Variants in MAPK6 observed in about 807,000 individuals in gnomAD.
MAPK6 encodes the protein mitogen-activated protein kinase 6, also known as ERK-3.
MAPK6 carries 19 observed loss-of-function variants against 59.3 expected under a neutral mutation model. That is an observed-to-expected ratio of 0.32 (90% confidence interval 0.22 to 0.47). The LOEUF (loss-of-function observed/expected upper bound fraction) is 0.47, where lower values mean the gene tolerates loss of function less well. Ranked by LOEUF, MAPK6 falls within the 20% of genes least tolerant of loss-of-function variation. The pLI is 1.00. For synonymous variants in MAPK6, 316 were observed against 290.3 expected (o/e 1.09, Z -0.90); for missense variants, 724 against 847.9 (o/e 0.85, Z 1.81).
At chr15:52,053,275 C>A (rs551938032) in intron 3 of MAPK6, among the ~76,000 whole-genome samples, 5 of 152,056 alleles carry the variant, frequency 3.3e-5, no homozygotes, top group South Asian at 2.1e-4. Flanking sequence ...GGGGTTTCAC[C>A]ATGTTGGCCA....
In MAPK6 at chr15:52,058,734, A is replaced by AGAAAT; in HGVS notation, c.805_809dup (p.Asp270GlufsTer4). ...TCTCAGCGTAATTCCAGTTTACATT[A>AGAAAT]GAAATGACATGACTGAGCCACACAA... is the stretch of plus-strand genomic sequence containing the variant. On this transcript the variant is annotated frameshift_variant, in exon 4 of 6. Coordinates refer to ENST00000261845, the MANE Select transcript of MAPK6 (RefSeq NM_002748.4). LOFTEE classifies it high-confidence loss of function. 6.2e-7 allele frequency: 1 copy of AGAAAT among 1,613,698 alleles called. No homozygotes were observed. The highest frequency in any genetic ancestry group is 8.5e-7 in the Non-Finnish European group (1 of 1,179,752).
chr15:52,049,763 C>T (rs891872913), intron 2 of MAPK6, among the ~76,000 whole-genome samples: 73 of 151,894 alleles, frequency 4.8e-4, no homozygotes, highest in Admixed American at 2.4e-3. Context: ...TACAGGCATG[C>T]ACCACCACAC....
chr15:51,976,159 G>A (rs779181763), intron 1 of MAPK6, among the ~76,000 whole-genome samples: 6 of 150,974 alleles, frequency 4.0e-5, no homozygotes, highest in African/African-American at 9.7e-5. Context: ...CCAGCTACTC[G>A]GGAGGCTGAG....
chr15:52,049,288 G>A (rs2031701038), intron 2 of MAPK6, among the ~76,000 whole-genome samples: 2 of 151,438 alleles, frequency 1.3e-5, no homozygotes, highest in Admixed American at 1.3e-4. Flanking sequence ...ATTATCTCAA[G>A]ACTGAGTGTA....
At chr15:51,977,695 C>A (rs575674464) in intron 1 of MAPK6, among the ~76,000 whole-genome samples, 1 of 151,976 alleles carries the variant, frequency 6.6e-6, no homozygotes, top group African/African-American at 2.4e-5. Context: ...TGCCACTGTA[C>A]CTGGCTAACT....
At chr15:52,009,801 C>T (rs141339727) in intron 3 of MAPK6, among the ~76,000 whole-genome samples, 200 of 151,900 alleles carry the variant, frequency 1.3e-3, no homozygotes, top group African/African-American at 4.7e-3. Context: ...GAGACAGAGT[C>T]TTGCTCTGTC....
chr15:52,000,358 T>G (rs1459555616), intron 2 of MAPK6, among the ~76,000 whole-genome samples: 1 of 152,224 alleles, frequency 6.6e-6, no homozygotes, highest in Non-Finnish European at 1.5e-5. Context: ...AAGAACCCAT[T>G]GCCTAATTTA....
intron 1 of MAPK6, among the ~76,000 whole-genome samples, chr15:51,973,942 G>A (rs933734602): frequency 1.3e-5 from 2 of 151,740 alleles, no homozygotes; most frequent in African/African-American, 2.4e-5. Context: ...CTGAGCCACC[G>A]TGCCCAGCCT....
chr15:51,985,523 C>T (rs751969130), intron 2 of MAPK6, among the ~76,000 whole-genome samples: 7 of 150,800 alleles, frequency 4.6e-5, no homozygotes, highest in East Asian at 3.9e-4. Flanking sequence ...GGTGTGGTGG[C>T]GCATGCTTGT....
At chr15:52,027,646 C>T (rs2030854697) in intron 1 of MAPK6, 1 of 138,990 alleles carries the variant, frequency 7.2e-6, no homozygotes, top group Admixed American at 7.6e-5. Flanking sequence ...TAGGCGGGGT[C>T]TCCCTGTGTT....
chr15:52,045,016 A>T (rs554623981), intron 1 of MAPK6, among the ~76,000 whole-genome samples: 1 of 142,544 alleles, frequency 7.0e-6, no homozygotes, highest in Non-Finnish European at 1.5e-5. Context: ...CTGTTCTCCT[A>T]TTTTATGAAG....
chr15:52,004,580 T>G (rs1180845479), intron 3 of MAPK6, among the ~76,000 whole-genome samples: 1 of 152,180 alleles, frequency 6.6e-6, no homozygotes, highest in Non-Finnish European at 1.5e-5. Flanking sequence ...TTTATTTGGC[T>G]CACAGTTGTG....
chr15:52,022,183 T>A (rs2030561719), intron 1 of MAPK6, among the ~76,000 whole-genome samples: 1 of 152,058 alleles, frequency 6.6e-6, no homozygotes, highest in African/African-American at 2.4e-5. Context: ...AGAAAAAAAA[T>A]TTCCCACCCC....
rs138543898 is a variant in MAPK6 at position 51,990,036 on chromosome 15, A to G, written c.-770+6721A>G. On this transcript the variant is annotated intron_variant, in intron 2 of 7. Transcript: ENST00000691380. The stretch of plus-strand genomic sequence containing the variant: ...ACACCAAAAGTCCATTGTTTTGGCT[A>G]CTAAACACAGCAAGATTAATAGGAA... Among the ~76,000 whole-genome samples, 295 of 152,380 alleles carry G rather than the reference A, an allele frequency of 1.9e-3. 3 individuals are homozygous for G. The highest frequency in any genetic ancestry group is 6.9e-3 in the African/African-American group (286 of 41,594).
At chr15:51,997,590 CTTTT>C (rs747963086) in intron 2 of MAPK6, among the ~76,000 whole-genome samples, 3 of 135,050 alleles carry the variant, frequency 2.2e-5, no homozygotes, top group Admixed American at 1.5e-4. Context: ...TTCTTTCTTT[CTTTT>C]TTTTTTTTTT....
chr15:52,051,656 T>C lies in MAPK6; in HGVS notation c.700+1519T>C, dbSNP rs531505021. On this transcript the variant is annotated intron_variant, in intron 3 of 5. Transcript: ENST00000261845. ...TGGGAGGCTGCAGCGGGCAGATCAC[T>C]TGAGGTCAGGAGTTTGAGACCAGGC... 3.3e-5 allele frequency among the ~76,000 whole-genome samples: 5 copies of C among 152,204 alleles called. No homozygotes were observed. The East Asian group carries it at 7.7e-4, about 24-fold the overall frequency.
At chr15:52,035,863 T>C (rs1489928480) in intron 1 of MAPK6, among the ~76,000 whole-genome samples, 2 of 152,194 alleles carry the variant, frequency 1.3e-5, no homozygotes, top group South Asian at 2.1e-4. Flanking sequence ...ACTTTTTCTC[T>C]GATTTAGCTT....
intron 1 of MAPK6, among the ~76,000 whole-genome samples, chr15:51,975,799 C>A (rs920000602): frequency 6.6e-6 from 1 of 151,638 alleles, no homozygotes; most frequent in African/African-American, 2.4e-5. Context: ...AAGAGAGGAA[C>A]CTTGTAGTTT....
At chr15:52,026,358 C>A (rs2141860916) in intron 1 of MAPK6, among the ~76,000 whole-genome samples, 1 of 152,234 alleles carries the variant, frequency 6.6e-6, no homozygotes, top group East Asian at 1.9e-4. Flanking sequence ...ATGGTGTGAT[C>A]TTCGCTCACT....
Sources: gnomAD v4.1 joint callset for allele counts (sites outside exome capture counted in the v4.1 genomes callset) on GRCh38, gnomAD v4.1.1 for gene constraint, MANE v1.5 for transcripts, NCBI Gene and HGNC (gene_info 2026-07-23, HGNC 2026-07-21) for gene names.